EP400: variants seen among roughly 807,000 people sequenced by gnomAD.
EP400 encodes the protein E1A-binding protein p400.
Under a neutral mutation model 354.1 loss-of-function variants are expected in EP400, and 105 were observed. That is an observed-to-expected ratio of 0.30 (90% CI 0.25 to 0.35). The LOEUF (loss-of-function observed/expected upper bound fraction) is 0.35, where lower values mean the gene tolerates loss of function less well. Ranked by LOEUF, EP400 falls within the 10% of genes least tolerant of loss-of-function variation. The probability of loss-of-function intolerance (pLI) is 1.00; values close to 1 mark genes in which losing one functional copy is unlikely to be tolerated. For missense variants in EP400, 3,280 were observed against 4,121.0 expected (o/e 0.80, Z 5.59); for synonymous variants, 1,646 against 1,716.9 (o/e 0.96, Z 1.02).
chr12:131,985,872 T>C (rs60224590), intron 5 of EP400, among the ~76,000 whole-genome samples: 2,531 of 152,322 alleles, frequency 0.017, 68 homozygotes, highest in African/African-American at 0.057. Context: ...CCTCTGAAAG[T>C]GCTGGTATTA....
chr12:132,046,953 C>T (rs1265982026), intron 39 of EP400, among the ~76,000 whole-genome samples: 1 of 152,220 alleles, frequency 6.6e-6, no homozygotes, highest in African/African-American at 2.4e-5. Flanking sequence ...GAGCTGTGGG[C>T]ACATCTTCTT....
At chr12:132,036,586 G>A (rs976480827) in intron 30 of EP400, among the ~76,000 whole-genome samples, 6 of 152,246 alleles carry the variant, frequency 3.9e-5, no homozygotes, top group African/African-American at 9.6e-5. Flanking sequence ...GTGTGCCCGC[G>A]GAAGCGCACA....
Position 131,982,363 on chromosome 12 carries a change from C to T in EP400, c.1814C>T (p.Ala605Val), listed in dbSNP as rs888946890. Reference sequence around the variant, plus strand: ...CAGCAGCCCAATGTTCCCATCCCTGCACCGCCCAGCAGCCAACTCCCCATC... The same window carrying T: ...CAGCAGCCCAATGTTCCCATCCCTGTACCGCCCAGCAGCCAACTCCCCATC... ...KTQQPNVPIPAPPSSQLPIPP... is the reference protein window; with the variant it reads ...KTQQPNVPIPVPPSSQLPIPP... The change falls in exon 5 of 53, where the codon GCA (alanine) becomes GTA (valine). Residue 605 changes from alanine (A) to valine (V), a missense_variant. By Grantham distance (64) the Ala-to-Val change is moderately conservative (BLOSUM62 0). Transcript: ENST00000389561. The T allele has an allele frequency of 7.4e-6, 12 of 1,614,210 alleles. No homozygotes were observed. The highest frequency in any genetic ancestry group is 9.3e-6 in the Non-Finnish European group (11 of 1,180,034).
At chr12:132,066,294 A>G (rs1285490870) in intron 48 of EP400, 1 of 168,396 alleles carries the variant, frequency 5.9e-6, no homozygotes, top group African/African-American at 2.4e-5. Flanking sequence ...CTTAGTCTCT[A>G]TACATACAAA....
chr12:131,966,574 A>G (rs1892094045), intron 2 of EP400, among the ~76,000 whole-genome samples: 1 of 149,900 alleles, frequency 6.7e-6, no homozygotes, highest in African/African-American at 2.4e-5. Flanking sequence ...AAAAAAAAAA[A>G]AAAAAAAAAA....
intron 5 of EP400, among the ~76,000 whole-genome samples, chr12:131,986,049 A>G (rs2136497508): frequency 6.6e-6 from 1 of 152,280 alleles, no homozygotes; most frequent in South Asian, 2.1e-4. Flanking sequence ...AACATGACTC[A>G]CTGCAGTCTC....
intron 10 of EP400, 152 bp from the exon 11 acceptor site, chr12:131,992,021 G>GCTGCC: frequency 1.3e-6 from 1 of 743,272 alleles, no homozygotes; most frequent in Non-Finnish European, 2.3e-6. Context: ...TCGCTCCCCC[G>GCTGCC]CTGCCCTGCC....
chr12:131,985,117 A>G (rs1892811404), intron 5 of EP400, among the ~76,000 whole-genome samples: 1 of 152,192 alleles, frequency 6.6e-6, no homozygotes, highest in Non-Finnish European at 1.5e-5. Context: ...TGGGCTCCCA[A>G]AATGCTGGGA....
chr12:132,044,862 T>C lies in EP400; in HGVS notation c.6693T>C (p.Cys2231=). ...ACATCTACCTCGACTCGGTCATGTG[T>C]CTCATGTATGAAGCCACTCCCATCC... is the stretch of plus-strand genomic sequence containing the variant. ...DSDIYLDSVM[C]LMYEATPIPE... is the part of the protein sequence containing the mutation. Residue 2231 remains cysteine (C), a synonymous_variant, in exon 37 of 53, where the codon TGT becomes TGC. Coordinates refer to ENST00000389561, the MANE Select transcript of EP400 (RefSeq NM_015409.5). 6.2e-7 allele frequency: 1 copy of C among 1,614,130 alleles called. No individual in the cohort carries two copies. The highest frequency in any genetic ancestry group is 8.5e-7 in the Non-Finnish European group (1 of 1,180,022).
Position 132,050,568 on chromosome 12 carries a change from A to G in EP400, c.7338-31A>G. ...CCTTCTTCAGATATTTCCTTTATTT[A>G]ATAATTGCTGTCTCACTGTCTATAC... On this transcript the variant is annotated intron_variant, in intron 40 of 52. Transcript: ENST00000389561. The surrounding 1 kb of genome is among the most constrained non-coding windows in gnomAD (Gnocchi z 4.8). The G allele has an allele frequency of 1.3e-5, 21 of 1,613,856 alleles. No homozygotes were observed. The highest frequency in any genetic ancestry group is 1.8e-5 in the Non-Finnish European group (21 of 1,179,782).
chr12:132,004,226 A>G (rs572681593), intron 12 of EP400, among the ~76,000 whole-genome samples: 3 of 152,294 alleles, frequency 2.0e-5, no homozygotes, highest in African/African-American at 7.2e-5. Flanking sequence ...ATTCATAATA[A>G]TTTCCCAGTG....
At chr12:132,069,070 TACCAG>T (rs1895989258) in intron 50 of EP400, 15 of 172,720 alleles carry the variant, frequency 8.7e-5, no homozygotes, top group Non-Finnish European at 1.2e-5. Context: ...AAATGGTGCA[TACCAG>T]TTTGTTACCC....
chr12:131,951,876 A>G (rs1891513977), intron 1 of EP400, among the ~76,000 whole-genome samples: 1 of 151,814 alleles, frequency 6.6e-6, no homozygotes, highest in Admixed American at 6.6e-5. Context: ...TCCCGGGTTC[A>G]AGCGATTCTC....
rs1389660723 is a variant in EP400, at chr12:132,067,123, T to C, written c.8749+154T>C. On this transcript the variant is annotated intron_variant, in intron 49 of 52. Transcript: ENST00000389561. The surrounding 1 kb of genome is among the most constrained non-coding windows in gnomAD (Gnocchi z 5.3). The stretch of plus-strand genomic sequence containing the variant: ...TCTAGCACAAACGTGCCTTGGCGCT[T>C]TCCAGGCGCAAGGCTGGGTCCTCAA... The C allele has an allele frequency of 2.6e-6, 3 of 1,165,038 alleles. No homozygotes were observed. The highest frequency in any genetic ancestry group is 3.5e-6 in the Non-Finnish European group (3 of 855,548). 72.2% of individuals were successfully genotyped at this position (1,165,038 alleles called of 1,614,324 possible).
chr12:132,011,384 A>G (rs775694019), intron 15 of EP400, 114 bp from the exon 16 acceptor site: 1 of 1,323,684 alleles, frequency 7.6e-7, no homozygotes, highest in Non-Finnish European at 1.0e-6. Context: ...CAGTCGTGCG[A>G]TGGCTCATGT....
chr12:131,987,606 G>C (rs1326668206), intron 6 of EP400, 99 bp from the exon 7 acceptor site: 2 of 1,020,210 alleles, frequency 2.0e-6, no homozygotes, highest in Non-Finnish European at 2.8e-6. Flanking sequence ...GTGCCTGACT[G>C]AGCCTTTTGC....
At chr12:132,034,400 C>T (rs562811905) in intron 30 of EP400, among the ~76,000 whole-genome samples, 1 of 152,284 alleles carries the variant, frequency 6.6e-6, no homozygotes, top group African/African-American at 2.4e-5. Context: ...GAAGTTTCTC[C>T]AAAGTAATAC....
intron 47 of EP400, 47 bp from the exon 48 acceptor site, chr12:132,064,621 T>A: frequency 6.3e-7 from 1 of 1,588,482 alleles, no homozygotes; most frequent in Non-Finnish European, 8.6e-7. Flanking sequence ...ACTTAAAGAA[T>A]GGAGCACAGT....
intron 22 of EP400, 77 bp downstream of exon 22, chr12:132,020,295 G>A (rs918118204): frequency 1.2e-5 from 17 of 1,458,220 alleles, no homozygotes; most frequent in Admixed American, 9.3e-5. Context: ...TTCTTCTCGC[G>A]CCTCTGGATG....
Sources: allele counts gnomAD v4.1 joint callset (sites outside exome capture counted in the v4.1 genomes callset), GRCh38; gene constraint gnomAD v4.1.1; non-coding constraint Gnocchi (gnomAD v3.1); transcripts MANE v1.5; gene names NCBI Gene and HGNC (gene_info 2026-07-23, HGNC 2026-07-21).